The following CSTPP1 variants were observed in gnomAD, a reference collection of about 807,000 sequenced individuals.
CSTPP1 encodes UPF0705 protein C11orf49.
chr11:47,144,016 G>T, the CSTPP1 span, among the ~76,000 whole-genome samples: 2 of 152,096 alleles, frequency 1.3e-5, no homozygotes, highest in Non-Finnish European at 2.9e-5. Flanking sequence ...TCCCACCTGT[G>T]CCCCATTAAC....
At chr11:46,986,903 T>C in the CSTPP1 span, among the ~76,000 whole-genome samples, 1 of 152,260 alleles carries the variant, frequency 6.6e-6, no homozygotes, top group African/African-American at 2.4e-5. Flanking sequence ...ATCTGCTGAA[T>C]GGTGCTAAAT....
the CSTPP1 span, among the ~76,000 whole-genome samples, chr11:46,957,862 A>G: frequency 1.2e-4 from 18 of 152,302 alleles, no homozygotes; most frequent in African/African-American, 3.8e-4. Context: ...AATATCAAAA[A>G]TATCTATTGT....
chr11:46,938,601 A>C, the CSTPP1 span, among the ~76,000 whole-genome samples: 1 of 151,520 alleles, frequency 6.6e-6, no homozygotes, highest in Non-Finnish European at 1.5e-5. Flanking sequence ...CTTTTCCAGA[A>C]TATCATGTAG....
chr11:47,132,409 G>GTTAATAAT, the CSTPP1 span, among the ~76,000 whole-genome samples: 1 of 152,236 alleles, frequency 6.6e-6, no homozygotes, highest in Non-Finnish European at 1.5e-5. Flanking sequence ...GTTTTAATCA[G>GTTAATAAT]TTAATAATTA....
chr11:47,005,430 G>T, the CSTPP1 span, among the ~76,000 whole-genome samples: 1 of 152,064 alleles, frequency 6.6e-6, no homozygotes, highest in South Asian at 2.1e-4. Flanking sequence ...ATTGAATAAC[G>T]AACAATTACA....
chr11:47,124,160 G>A, the CSTPP1 span, among the ~76,000 whole-genome samples: 24 of 103,962 alleles, frequency 2.3e-4, no homozygotes, highest in African/African-American at 7.7e-4. Flanking sequence ...GGCTCGTTCC[G>A]TCACCCAGGC....
the CSTPP1 span, among the ~76,000 whole-genome samples, chr11:47,035,877 T>A: frequency 6.6e-6 from 1 of 151,376 alleles, no homozygotes; most frequent in Non-Finnish European, 1.5e-5. Context: ...AAAATCCATG[T>A]ATAAGTAGAC....
chr11:46,951,612 T>G, the CSTPP1 span, among the ~76,000 whole-genome samples: 2 of 152,158 alleles, frequency 1.3e-5, no homozygotes, highest in Non-Finnish European at 2.9e-5. Context: ...AGAAGATAAT[T>G]TAACATTTTC....
At chr11:47,038,502 G>A in the CSTPP1 span, among the ~76,000 whole-genome samples, 1 of 107,222 alleles carries the variant, frequency 9.3e-6, no homozygotes, top group Non-Finnish European at 2.3e-5. Context: ...CCAGGCAGAG[G>A]GGCTCCTCAC....
At chr11:47,126,531 C>T in the CSTPP1 span, among the ~76,000 whole-genome samples, 1 of 152,174 alleles carries the variant, frequency 6.6e-6, no homozygotes, top group Admixed American at 6.6e-5. Flanking sequence ...CCCGCCTAGG[C>T]TAAGGCAGGA....
chr11:47,118,263 C>T, the CSTPP1 span, among the ~76,000 whole-genome samples: 1 of 152,150 alleles, frequency 6.6e-6, no homozygotes. Context: ...CTTGTGCATG[C>T]GTCACGAAGT....
At chr11:47,036,082 ATATAT>A in the CSTPP1 span, among the ~76,000 whole-genome samples, 7 of 12,330 alleles carry the variant, frequency 5.7e-4, 3 homozygotes, top group South Asian at 7.4e-3. Flanking sequence ...TATAAATTAT[ATATAT>A]TATATTATAT....
the CSTPP1 span, chr11:47,155,348 A>T: frequency 5.6e-5 from 67 of 1,197,128 alleles, no homozygotes; most frequent in South Asian, 7.9e-4. Context: ...TGTGCCTGGC[A>T]CACACGTTTC....
chr11:46,994,313 T>C, the CSTPP1 span, among the ~76,000 whole-genome samples: 1 of 152,170 alleles, frequency 6.6e-6, no homozygotes, highest in Admixed American at 6.5e-5. Context: ...TCCAACACTA[T>C]GTTGAATAGG....
chr11:46,943,193 G>A, the CSTPP1 span, among the ~76,000 whole-genome samples: 3 of 152,140 alleles, frequency 2.0e-5, no homozygotes, highest in East Asian at 1.9e-4. Flanking sequence ...AAAAGCAACC[G>A]AGACTTATTA....
chr11:47,092,577 A>G, the CSTPP1 span, among the ~76,000 whole-genome samples: 1 of 152,196 alleles, frequency 6.6e-6, no homozygotes, highest in African/African-American at 2.4e-5. Flanking sequence ...GAATCATGAC[A>G]TCTTACCCCT....
At chr11:46,952,705 T>G in the CSTPP1 span, among the ~76,000 whole-genome samples, 1 of 152,222 alleles carries the variant, frequency 6.6e-6, no homozygotes, top group Non-Finnish European at 1.5e-5. Context: ...TTCTTAACTT[T>G]ATGTTGCCTG....
chr11:46,956,093 C>A, the CSTPP1 span, among the ~76,000 whole-genome samples: 1 of 151,474 alleles, frequency 6.6e-6, no homozygotes, highest in South Asian at 2.1e-4. Flanking sequence ...TTGCATACAT[C>A]ATTTAAGAGT....
At chr11:47,107,861 C>CG in the CSTPP1 span, among the ~76,000 whole-genome samples, 7 of 152,158 alleles carry the variant, frequency 4.6e-5, no homozygotes, top group African/African-American at 1.4e-4. Context: ...CAATTCCCCC[C>CG]CAGTTCCCTT....
Sources: allele counts gnomAD v4.1 joint callset (sites outside exome capture counted in the v4.1 genomes callset), GRCh38; gene constraint gnomAD v4.1.1; transcripts MANE v1.5; gene names NCBI Gene and HGNC (gene_info 2026-07-23, HGNC 2026-07-21).